Variants in CAP2 observed in about 807,000 individuals in gnomAD.
The protein encoded by CAP2 is adenylyl cyclase-associated protein 2.
In CAP2, 24 loss-of-function variants were observed where a neutral mutation model predicts 57.7. The observed-to-expected ratio is 0.42, with a 90% CI of 0.30 to 0.58. The LOEUF (loss-of-function observed/expected upper bound fraction) is 0.58. Ranked by LOEUF, CAP2 falls within the 20% of genes least tolerant of loss-of-function variation. The pLI, the probability that CAP2 is intolerant of heterozygous loss-of-function variation, is 0.22. For synonymous variants in CAP2, 194 were observed against 207.2 expected, an observed-to-expected ratio of 0.94 and a Z score of 0.55; for missense variants, 501 against 590.3, an observed-to-expected ratio of 0.85 and a Z score of 1.57.
intron 7 of CAP2, among the ~76,000 whole-genome samples, chr6:17,523,366 A>G (rs1402462834): frequency 6.6e-6 from 1 of 152,174 alleles, no homozygotes; most frequent in African/African-American, 2.4e-5. Context: ...CTGGGGTTTC[A>G]CTGCATTGTG....
chr6:17,496,445 T>C (rs1157249008), intron 4 of CAP2, among the ~76,000 whole-genome samples: 2 of 152,152 alleles, frequency 1.3e-5, no homozygotes, highest in Non-Finnish European at 2.9e-5. Flanking sequence ...ACTCACCAAA[T>C]GAGCTAGTGC....
chr6:17,424,769 A>G (rs1759540085), intron 2 of CAP2, among the ~76,000 whole-genome samples: 1 of 152,232 alleles, frequency 6.6e-6, no homozygotes, highest in African/African-American at 2.4e-5. Flanking sequence ...AACAGAGTTG[A>G]ACGATGAAAG....
chr6:17,454,383 G>A (rs1760499556), intron 3 of CAP2, among the ~76,000 whole-genome samples: 8 of 152,192 alleles, frequency 5.3e-5, no homozygotes, highest in Admixed American at 5.2e-4. Context: ...AGAAATGAGA[G>A]CTCTTGAAGT....
intron 11 of CAP2, among the ~76,000 whole-genome samples, chr6:17,550,858 A>G (rs1763155157): frequency 6.6e-6 from 1 of 152,158 alleles, no homozygotes; most frequent in South Asian, 2.1e-4. Flanking sequence ...GTCTCCTGAA[A>G]TGAATACATT....
chr6:17,489,515 G>A (rs1280741482), intron 4 of CAP2, among the ~76,000 whole-genome samples: 1 of 152,090 alleles, frequency 6.6e-6, no homozygotes, highest in Non-Finnish European at 1.5e-5. Flanking sequence ...ACAAGCAACA[G>A]TGTTAAGTCC....
chr6:17,400,083 G>A (rs909598411), intron 1 of CAP2, among the ~76,000 whole-genome samples: 1 of 151,880 alleles, frequency 6.6e-6, no homozygotes, highest in African/African-American at 2.4e-5. Flanking sequence ...AAAATTAGCT[G>A]GGCATGGTGG....
chr6:17,541,260 T>C, intron 9 of CAP2, 112 bp downstream of exon 9: 1 of 724,814 alleles, frequency 1.4e-6, no homozygotes, highest in Non-Finnish European at 2.3e-6. Context: ...TTTGTATTGG[T>C]ACATAACATT....
intron 4 of CAP2, among the ~76,000 whole-genome samples, chr6:17,475,798 T>C (rs1761140048): frequency 6.6e-6 from 1 of 152,254 alleles, no homozygotes; most frequent in Non-Finnish European, 1.5e-5. Flanking sequence ...ATGAAATTGT[T>C]GTGAATGTCC....
At chr6:17,459,049 C>T (rs1308900289) in intron 3 of CAP2, among the ~76,000 whole-genome samples, 2 of 151,904 alleles carry the variant, frequency 1.3e-5, no homozygotes, top group Non-Finnish European at 1.5e-5. Flanking sequence ...TTAGGGGAAA[C>T]GAAATCAGGA....
chr6:17,544,126 AAAAAAAAAAAAGAAAAG>A (rs1228395739), intron 11 of CAP2, among the ~76,000 whole-genome samples: 1 of 150,410 alleles, frequency 6.6e-6, no homozygotes, highest in Non-Finnish European at 1.5e-5. Context: ...CTCTGTCTCA[AAAAAAAAAAAAGAAAAG>A]AAAAAAAGGA....
At position 17,557,635 on chromosome 6, in the gene CAP2, A is replaced by G. The variant is rs531841077; in HGVS notation, c.*1193A>G. The G allele has an allele frequency of 3.9e-5, 6 of 152,334 alleles. No individual in the cohort carries two copies. The highest frequency in any genetic ancestry group is 8.8e-5 in the Non-Finnish European group (6 of 68,032). 9.4% of individuals were successfully genotyped at this position (152,334 alleles called of 1,614,324 possible). On this transcript the variant is annotated 3_prime_UTR_variant, in exon 13 of 13. Coordinates refer to ENST00000229922, the MANE Select transcript of CAP2 (RefSeq NM_006366.3). The stretch of plus-strand genomic sequence containing the variant: ...TTTCCATTTTTTAAATATCTTCTAT[A>G]TCCATATAGTATTCAAATTATTAAT...
At chr6:17,399,485 C>G (rs1477488210) in intron 1 of CAP2, among the ~76,000 whole-genome samples, 3 of 152,158 alleles carry the variant, frequency 2.0e-5, no homozygotes, top group Non-Finnish European at 4.4e-5. Flanking sequence ...GGGATTGTTT[C>G]CCTTTCAGTA....
In CAP2 at chr6:17,513,999, C is replaced by T; in HGVS notation, c.636+45C>T. ...CCACGTGTGTAAAAAAAGGCCATGA[C>T]TATATATACACCCTGTGGCCCAGTA... On this transcript the variant is annotated intron_variant, in intron 7 of 12. Coordinates refer to ENST00000229922, the MANE Select transcript of CAP2 (RefSeq NM_006366.3). The surrounding 1 kb of genome is among the most constrained non-coding windows in gnomAD (Gnocchi z 4.3). 9.0e-7 allele frequency: 1 copy of T among 1,116,358 alleles called. No individual in the cohort carries two copies. Among genetic ancestry groups the T allele is most frequent in the Non-Finnish European group, 1.4e-6 (1 of 726,396 alleles). 69.2% of individuals were successfully genotyped at this position (1,116,358 alleles called of 1,614,324 possible). A position where few individuals can be genotyped will look rare whatever the true frequency, so the allele number is the denominator to read the frequency against.
At chr6:17,542,463 C>T (rs956794083) in intron 9 of CAP2, among the ~76,000 whole-genome samples, 1 of 109,410 alleles carries the variant, frequency 9.1e-6, no homozygotes, top group Non-Finnish European at 1.8e-5. Context: ...GGGCTTAGAC[C>T]ACTGCTGTGA....
At chr6:17,411,975 G>GT (rs1759152199) in intron 1 of CAP2, among the ~76,000 whole-genome samples, 1 of 152,192 alleles carries the variant, frequency 6.6e-6, no homozygotes, top group Non-Finnish European at 1.5e-5. Flanking sequence ...TCAGTGAAGG[G>GT]TTTCTATCTC....
intron 4 of CAP2, among the ~76,000 whole-genome samples, chr6:17,469,608 CAGAGAGCGCGTTTCTACT>C (rs1760965492): frequency 1.3e-5 from 2 of 151,954 alleles, no homozygotes; most frequent in African/African-American, 4.8e-5. Context: ...GAGAGAGAGA[CAGAGAGCGCGTTTCTACT>C]ATCCTCCCTC....
At chr6:17,445,268 A>C (rs556523659) in intron 3 of CAP2, among the ~76,000 whole-genome samples, 1 of 152,274 alleles carries the variant, frequency 6.6e-6, no homozygotes, top group East Asian at 1.9e-4. Flanking sequence ...CACCACACCC[A>C]GCTAGTTTTT....
intron 4 of CAP2, among the ~76,000 whole-genome samples, chr6:17,468,848 A>G (rs949003107): frequency 2.0e-5 from 3 of 152,252 alleles, no homozygotes; most frequent in African/African-American, 7.2e-5. Flanking sequence ...ATATTCAGTG[A>G]TACATTAATA....
chr6:17,438,755 T>C (rs1305368320), intron 3 of CAP2, among the ~76,000 whole-genome samples: 1 of 128,184 alleles, frequency 7.8e-6, no homozygotes, highest in Non-Finnish European at 1.6e-5. Context: ...TTTTTTTATG[T>C]AGTAGAATTT....
Sources: gnomAD v4.1 joint callset for allele counts (sites outside exome capture counted in the v4.1 genomes callset) on GRCh38, gnomAD v4.1.1 for gene constraint, Gnocchi (gnomAD v3.1) non-coding constraint, MANE v1.5 for transcripts, NCBI Gene and HGNC (gene_info 2026-07-23, HGNC 2026-07-21) for gene names.